The following SPAG16 variants were observed in gnomAD, a reference collection of about 807,000 sequenced individuals.
SPAG16 encodes sperm-associated antigen 16 protein.
A neutral mutation model predicts 80.4 loss-of-function variants in SPAG16; 86 were observed. The ratio of observed to expected loss-of-function variants is 1.07; its 90% CI spans 0.90 to 1.28. The LOEUF (loss-of-function observed/expected upper bound fraction) is 1.28. Among genes scored for constraint, SPAG16 ranks in the 50% most tolerant of loss-of-function variants. SPAG16 has a pLI of 0.00. For synonymous variants in SPAG16, 294 were observed against 265.9 expected, an observed-to-expected ratio of 1.11 and a Z score of -1.03; for missense variants, 870 against 765.3, an observed-to-expected ratio of 1.14 and a Z score of -1.61.
At chr2:214,229,948 A>G (rs368461722) in intron 15 of SPAG16, among the ~76,000 whole-genome samples, 8 of 151,980 alleles carry the variant, frequency 5.3e-5, no homozygotes, top group Admixed American at 3.9e-4. Flanking sequence ...TGCAGATTCA[A>G]CCTCATATTC....
chr2:213,789,644 TCA>T (rs1180651297), intron 10 of SPAG16, among the ~76,000 whole-genome samples: 1 of 151,940 alleles, frequency 6.6e-6, no homozygotes. Flanking sequence ...CCTTATTCAC[TCA>T]CACGATGTAA....
At chr2:214,408,716 T>G (rs1218185066) in intron 15 of SPAG16, among the ~76,000 whole-genome samples, 1 of 152,178 alleles carries the variant, frequency 6.6e-6, no homozygotes, top group African/African-American at 2.4e-5. Context: ...ACCTAAAATC[T>G]GTCAAGAAGG....
chr2:214,250,097 G>A (rs1395826928), intron 15 of SPAG16: 3 of 152,204 alleles, frequency 2.0e-5, no homozygotes, highest in Non-Finnish European at 4.4e-5. Flanking sequence ...AAGTGCCTCA[G>A]ACCAGCAATT....
intron 15 of SPAG16, among the ~76,000 whole-genome samples, chr2:214,181,607 C>G (rs966595726): frequency 2.0e-5 from 3 of 151,790 alleles, no homozygotes. Context: ...GGCCGTCTCT[C>G]TCTAAATCCT....
intron 12 of SPAG16, among the ~76,000 whole-genome samples, chr2:213,951,490 A>G (rs1226273238): frequency 2.6e-5 from 4 of 152,168 alleles, no homozygotes; most frequent in African/African-American, 4.8e-5. Context: ...CCTGTTCTCA[A>G]TTTAAATAGT....
chr2:213,424,441 T>C (rs1306684807), intron 9 of SPAG16, among the ~76,000 whole-genome samples: 2 of 152,222 alleles, frequency 1.3e-5, no homozygotes, highest in Non-Finnish European at 2.9e-5. Flanking sequence ...CACATTGTTC[T>C]TTTCTTAGCA....
At chr2:214,399,175 T>C (rs780663487) in intron 15 of SPAG16, among the ~76,000 whole-genome samples, 2 of 152,160 alleles carry the variant, frequency 1.3e-5, no homozygotes, top group Non-Finnish European at 1.5e-5. Flanking sequence ...AATCATCCGA[T>C]TATACTACAT....
chr2:213,982,433 T>C (rs1245950306), intron 12 of SPAG16, among the ~76,000 whole-genome samples: 3 of 152,078 alleles, frequency 2.0e-5, no homozygotes, highest in Non-Finnish European at 4.4e-5. Flanking sequence ...TTTATTGCCT[T>C]TGGAATTGAA....
chr2:213,748,875 G>A (rs529548473), intron 10 of SPAG16, among the ~76,000 whole-genome samples: 69 of 152,264 alleles, frequency 4.5e-4, no homozygotes, highest in African/African-American at 1.5e-3. Flanking sequence ...AGGGTGGGGC[G>A]TGGTGGCACA....
At chr2:213,603,991 T>C (rs2061163533) in intron 10 of SPAG16, among the ~76,000 whole-genome samples, 1 of 151,822 alleles carries the variant, frequency 6.6e-6, no homozygotes, top group Non-Finnish European at 1.5e-5. Context: ...TGGCACGATC[T>C]TGGCTCACTG....
At chr2:213,834,423 G>C (rs930990493) in intron 10 of SPAG16, among the ~76,000 whole-genome samples, 1 of 152,198 alleles carries the variant, frequency 6.6e-6, no homozygotes, top group Non-Finnish European at 1.5e-5. Flanking sequence ...ATTAAACAAA[G>C]AGGGTATGAT....
intron 9 of SPAG16, among the ~76,000 whole-genome samples, chr2:213,479,919 G>A (rs753946791): frequency 1.3e-4 from 20 of 152,042 alleles, no homozygotes; most frequent in African/African-American, 4.4e-4. Context: ...GGTGATCTAC[G>A]TGTTAAACAT....
chr2:214,318,913 T>C (rs568973922), intron 15 of SPAG16, among the ~76,000 whole-genome samples: 3 of 152,182 alleles, frequency 2.0e-5, no homozygotes, highest in African/African-American at 7.2e-5. Flanking sequence ...AGATAAGTTA[T>C]GAGCAACTAA....
At chr2:214,323,981 T>A (rs1414719318) in intron 15 of SPAG16, among the ~76,000 whole-genome samples, 1 of 152,238 alleles carries the variant, frequency 6.6e-6, no homozygotes, top group Non-Finnish European at 1.5e-5. Context: ...ATAACATGCA[T>A]GTCCTAATGA....
intron 10 of SPAG16, among the ~76,000 whole-genome samples, chr2:213,725,643 G>A (rs878923): frequency 0.24 from 36,261 of 152,100 alleles, 4,705 homozygotes; most frequent in Middle Eastern, 0.34. Flanking sequence ...AGGGTGCGGC[G>A]TGTCTTAGCA....
rs147398739 is a variant in SPAG16 at position 213,290,281 on chromosome 2, T to C, written c.136+5662T>C. Among the ~76,000 whole-genome samples the C allele has an allele frequency of 1.2e-3, 190 of 152,246 alleles. 1 individual carries two copies. Among genetic ancestry groups the C allele is most frequent in the African/African-American group, 4.4e-3 (182 of 41,548 alleles). On this transcript the variant is annotated intron_variant, in intron 1 of 15. Coordinates refer to ENST00000331683, the MANE Select transcript of SPAG16 (RefSeq NM_024532.5). Reference sequence around the variant, plus strand: ...AATTCCTTCCAGAGCAAATGCAGATTTGGGAGGAATGGGAGCCTCAGTCTG... The same window carrying C: ...AATTCCTTCCAGAGCAAATGCAGATCTGGGAGGAATGGGAGCCTCAGTCTG...
intron 13 of SPAG16, among the ~76,000 whole-genome samples, chr2:214,037,715 T>C (rs1320297814): frequency 2.6e-5 from 4 of 152,188 alleles, no homozygotes; most frequent in Non-Finnish European, 4.4e-5. Flanking sequence ...TGCATAGATA[T>C]TGATAGTTGT....
At chr2:214,133,402 A>C (rs1003826215) in intron 14 of SPAG16, among the ~76,000 whole-genome samples, 2 of 151,994 alleles carry the variant, frequency 1.3e-5, no homozygotes, top group Non-Finnish European at 2.9e-5. Flanking sequence ...GTGGTGGCTT[A>C]CGCCTGTGCA....
intron 5 of SPAG16, 199 bp downstream of exon 5, chr2:213,317,555 A>G (rs1178422389): frequency 1.7e-5 from 21 of 1,244,526 alleles, no homozygotes; most frequent in Non-Finnish European, 2.0e-5. Flanking sequence ...CTTACCAACA[A>G]GAAGGGAATG....
Sources: allele counts gnomAD v4.1 joint callset (sites outside exome capture counted in the v4.1 genomes callset), GRCh38; gene constraint gnomAD v4.1.1; transcripts MANE v1.5; gene names NCBI Gene and HGNC (gene_info 2026-07-23, HGNC 2026-07-21).